DTNA: variants seen among roughly 807,000 people sequenced by gnomAD.
DTNA encodes dystrobrevin alpha, also known as dystrophin-related protein 3.
Under a neutral mutation model 100.7 loss-of-function variants are expected in DTNA, and 43 were observed. The ratio of observed to expected loss-of-function variants is 0.43; its 90% CI spans 0.33 to 0.55. The LOEUF (loss-of-function observed/expected upper bound fraction) is 0.55. DTNA is among the 20% of genes least tolerant of loss of function. The pLI is 0.04. For missense variants in DTNA, 798 were observed against 953.9 expected, an observed-to-expected ratio of 0.84 and a Z score of 2.15; for synonymous variants, 349 against 347.9, an observed-to-expected ratio of 1.00 and a Z score of -0.04.
At chr18:34,611,459 T>C (rs1014528361) in intron 1 of DTNA, among the ~76,000 whole-genome samples, 1 of 152,214 alleles carries the variant, frequency 6.6e-6, no homozygotes, top group Admixed American at 6.5e-5. Flanking sequence ...TTTCTTTCTT[T>C]AGAACTTGTG....
intron 17 of DTNA, chr18:34,867,228 A>G (rs1405989303): frequency 3.2e-6 from 4 of 1,231,320 alleles, no homozygotes; most frequent in Non-Finnish European, 4.0e-6. Context: ...GTAACAAAGA[A>G]TGTTTGGAAA....
intron 1 of DTNA, among the ~76,000 whole-genome samples, chr18:34,681,617 G>A (rs1056507374): frequency 2.0e-5 from 3 of 151,372 alleles, no homozygotes; most frequent in African/African-American, 7.3e-5. Flanking sequence ...TATTAATTTA[G>A]TAAAATTTAT....
At chr18:34,817,856 C>T in intron 7 of DTNA, 1 of 973,300 alleles carries the variant, frequency 1.0e-6, no homozygotes, top group Non-Finnish European at 1.4e-6. Context: ...AAAGGCAAGT[C>T]TGTTTGGCTA....
At chr18:34,661,849 A>G (rs921193385) in intron 1 of DTNA, among the ~76,000 whole-genome samples, 1 of 152,184 alleles carries the variant, frequency 6.6e-6, no homozygotes, top group Non-Finnish European at 1.5e-5. Context: ...AAACCCTGCC[A>G]ACATGTTTTA....
rs1361335434 is a variant in DTNA at position 34,790,363 on chromosome 18, A to C, written c.149-3674A>C. Among the ~76,000 whole-genome samples, 2 of 117,140 alleles carry C rather than the reference A, an allele frequency of 1.7e-5. 1 individual carries two copies. The highest frequency in any genetic ancestry group is 7.0e-5 in the African/African-American group (2 of 28,498). The allele number at this position is 117,140 out of a possible 152,430, so 76.8% of individuals were successfully genotyped here. ...TGCAAGGGGTATAAAACCCGGAGAC[A>C]GGGTTTCTGATCCAGCCCAGAAAGA... On this transcript the variant is annotated intron_variant, in intron 3 of 22. Transcript: ENST00000444659.
chr18:34,681,806 C>T (rs1405530306), intron 1 of DTNA, among the ~76,000 whole-genome samples: 1 of 151,718 alleles, frequency 6.6e-6, no homozygotes, highest in Admixed American at 6.6e-5. Context: ...CTACATTAAC[C>T]CATCATCACC....
At chr18:34,802,763 T>C (rs1293622265) in intron 4 of DTNA, among the ~76,000 whole-genome samples, 1 of 152,200 alleles carries the variant, frequency 6.6e-6, no homozygotes, top group South Asian at 2.1e-4. Context: ...AGAAACATAA[T>C]TTTTTTGTTA....
chr18:34,812,659 A>G lies in DTNA; in HGVS notation c.603+546A>G, dbSNP rs537247243. On this transcript the variant is annotated intron_variant, in intron 6 of 22. Coordinates refer to ENST00000444659, the MANE Select transcript of DTNA (RefSeq NM_001386795.1). ...CATGGGGGAACCACCCCATGATCCAATCACCTCCCACCAGGTCTCTCCCTC... is the reference window on the plus strand; with the variant it reads ...CATGGGGGAACCACCCCATGATCCAGTCACCTCCCACCAGGTCTCTCCCTC... Among the ~76,000 whole-genome samples, 12 of 152,184 alleles carry G rather than the reference A, an allele frequency of 7.9e-5. No individual in the cohort carries two copies. In the South Asian group the frequency reaches 1.5e-3, roughly 18 times the overall value.
At chr18:34,745,823 G>C (rs141135979) in intron 1 of DTNA, among the ~76,000 whole-genome samples, 2 of 152,260 alleles carry the variant, frequency 1.3e-5, no homozygotes, top group Admixed American at 1.3e-4. Context: ...TGCAAGAACT[G>C]TAATGCCTTT....
intron 1 of DTNA, among the ~76,000 whole-genome samples, chr18:34,625,066 A>C (rs2147960000): frequency 1.4e-5 from 2 of 140,358 alleles, no homozygotes; most frequent in African/African-American, 2.7e-5. Flanking sequence ...ACAGAGTCCC[A>C]CTCTGTCACC....
chr18:34,573,508 C>T (rs2047796018), intron 1 of DTNA, among the ~76,000 whole-genome samples: 1 of 152,134 alleles, frequency 6.6e-6, no homozygotes. Flanking sequence ...ACTCTATATG[C>T]TATAACCATT....
intron 9 of DTNA, among the ~76,000 whole-genome samples, chr18:34,826,382 G>A (rs1023880650): frequency 6.6e-6 from 1 of 152,042 alleles, no homozygotes; most frequent in Admixed American, 6.6e-5. Context: ...TAACCCCAGA[G>A]ACTTATTCTA....
At chr18:34,815,283 A>G (rs1023180687) in intron 6 of DTNA, among the ~76,000 whole-genome samples, 3 of 152,184 alleles carry the variant, frequency 2.0e-5, no homozygotes, top group African/African-American at 7.2e-5. Context: ...TATAGATACA[A>G]TGCATTCCTT....
In DTNA at chr18:34,820,780, C is replaced by G. The variant is rs939862506; in HGVS notation, c.877-11C>G. ...AGCTGTTGTCACTTCTGCCTTCCTT[C>G]TTCTTTCCAGAAATCACCTGCTAAG... is the stretch of plus-strand genomic sequence containing the variant. On this transcript the variant is annotated splice_polypyrimidine_tract_variant and intron_variant, in intron 8 of 22. Coordinates refer to ENST00000444659, the MANE Select transcript of DTNA (RefSeq NM_001386795.1). 1 of 1,614,028 alleles carries G rather than the reference C, an allele frequency of 6.2e-7. No homozygotes were observed. The highest frequency in any genetic ancestry group is 8.5e-7 in the Non-Finnish European group (1 of 1,179,998).
At chr18:34,711,761 C>T (rs2082947814) in intron 1 of DTNA, among the ~76,000 whole-genome samples, 1 of 152,020 alleles carries the variant, frequency 6.6e-6, no homozygotes, top group African/African-American at 2.4e-5. Context: ...ATGTCCAAGC[C>T]ATTTTCTAAG....
chr18:34,825,304 T>G (rs941713680), intron 9 of DTNA: 2 of 1,613,040 alleles, frequency 1.2e-6, no homozygotes, highest in Admixed American at 3.3e-5. Flanking sequence ...TCCAGTCTAC[T>G]TACAAAGATG....
chr18:34,575,021 C>T (rs1408537657), intron 1 of DTNA, among the ~76,000 whole-genome samples: 1 of 152,196 alleles, frequency 6.6e-6, no homozygotes, highest in Non-Finnish European at 1.5e-5. Flanking sequence ...TAAAATAGTA[C>T]AACAACGTAG....
At chr18:34,743,744 A>T (rs2091114348) in intron 1 of DTNA, among the ~76,000 whole-genome samples, 1 of 152,158 alleles carries the variant, frequency 6.6e-6, no homozygotes, top group African/African-American at 2.4e-5. Flanking sequence ...GAGGAAGGGG[A>T]TTTAAAAGAA....
intron 4 of DTNA, among the ~76,000 whole-genome samples, chr18:34,797,652 A>G (rs1251995603): frequency 6.6e-6 from 1 of 152,220 alleles, no homozygotes; most frequent in African/African-American, 2.4e-5. Flanking sequence ...GTAACTCAAA[A>G]GAAAAATATT....
Sources: gnomAD v4.1 joint callset for allele counts (sites outside exome capture counted in the v4.1 genomes callset) on GRCh38, gnomAD v4.1.1 for gene constraint, MANE v1.5 for transcripts, NCBI Gene and HGNC (gene_info 2026-07-23, HGNC 2026-07-21) for gene names.